Variants in DONSON observed in about 807,000 individuals in gnomAD.
DONSON encodes protein downstream neighbor of Son.
Under a neutral mutation model 62.1 loss-of-function variants are expected in DONSON, and 43 were observed. That is an observed-to-expected ratio of 0.69 (90% CI 0.54 to 0.89). The LOEUF (loss-of-function observed/expected upper bound fraction) is 0.89, where lower values mean the gene tolerates loss of function less well. Ranked by LOEUF, DONSON falls within the 40% of genes least tolerant of loss-of-function variation. The pLI, the probability that DONSON is intolerant of heterozygous loss-of-function variation, is 0.00. For synonymous variants in DONSON, 266 were observed against 264.6 expected, an observed-to-expected ratio of 1.01 and a Z score of -0.05; for missense variants, 696 against 697.5, an observed-to-expected ratio of 1.00 and a Z score of 0.03.
chr21:33,584,325 C>T (rs967969276), intron 4 of DONSON, among the ~76,000 whole-genome samples: 4 of 151,484 alleles, frequency 2.6e-5, no homozygotes, highest in East Asian at 1.9e-4. Context: ...GGATTACAGG[C>T]GTGAGCCACC....
chr21:33,585,247 G>A (rs2086564345), intron 3 of DONSON, among the ~76,000 whole-genome samples: 1 of 152,004 alleles, frequency 6.6e-6, no homozygotes, highest in African/African-American at 2.4e-5. Flanking sequence ...TTTTAAGATA[G>A]TCTCACTCTG....
In DONSON at chr21:33,585,428, A is replaced by C. The variant is rs1001604121; in HGVS notation, c.606+550T>G. On this transcript the variant is annotated intron_variant, in intron 3 of 9. Transcript: ENST00000303071. ...TTTTTTGTAGAGATGGGGTCTCACT[A>C]CGTTACTCAGGCTGGTCTCAAGCAA... 4.6e-5 allele frequency among the ~76,000 whole-genome samples: 6 copies of C among 129,056 alleles called. No homozygotes were observed. In the East Asian group the frequency reaches 1.3e-3, roughly 28 times the overall value. The allele number at this position is 129,056 out of a possible 152,430, so 84.7% of individuals were successfully genotyped here. A position where few individuals can be genotyped will look rare whatever the true frequency, so the allele number is the denominator to read the frequency against.
chr21:33,585,385 T>TA (rs1253807734), intron 3 of DONSON, among the ~76,000 whole-genome samples: 1 of 118,022 alleles, frequency 8.5e-6, no homozygotes, highest in Non-Finnish European at 1.8e-5. Flanking sequence ...CATGCTCAGC[T>TA]AATTTTTTTT....
intron 9 of DONSON, among the ~76,000 whole-genome samples, chr21:33,579,059 AC>A: frequency 7.2e-6 from 1 of 138,296 alleles, no homozygotes; most frequent in Middle Eastern, 3.5e-3. Flanking sequence ...AACTGTTTGA[AC>A]CCAGGAGGCT....
At chr21:33,587,318 A>C in intron 2 of DONSON, 1 of 977,126 alleles carries the variant, frequency 1.0e-6, no homozygotes. Context: ...CTTTACAGTC[A>C]TCATTACTGT....
intron 2 of DONSON, 156 bp downstream of exon 2, chr21:33,587,366 T>C (rs2086589356): frequency 1.0e-6 from 1 of 985,426 alleles, no homozygotes. Context: ...ATGCGGTATT[T>C]TCATCCCTGG....
At position 33,588,373 on chromosome 21, in the gene DONSON, G is replaced by A; in HGVS notation, c.269C>T (p.Ala90Val). 7.7e-7 allele frequency: 1 copy of A among 1,291,364 alleles called. No individual in the cohort carries two copies. Among genetic ancestry groups the A allele is most frequent in the South Asian group, 2.7e-5 (1 of 37,554 alleles). The allele number at this position is 1,291,364 out of a possible 1,614,324, so 80.0% of individuals were successfully genotyped here. The change falls in exon 1 of 10, where the codon GCC (alanine) becomes GTC (valine). Residue 90 changes from alanine to valine, a missense_variant. Coordinates refer to ENST00000303071, the MANE Select transcript of DONSON (RefSeq NM_017613.4). The part of the protein sequence containing the change: ...FARLDNRPRV[A>V]AEPPDGPARE... ...GGCCGGCCCGTCGGGGGGCTCCGCG[G>A]CGACCCGCGGTCGGTTGTCCAGGCG...
rs3221082 is a variant in DONSON at position 33,577,701 on chromosome 21, A to ACCC, written c.*603_*605dup. 1.5e-5 allele frequency: 2 copies of ACCC among 132,816 alleles called. No homozygotes were observed. The highest frequency in any genetic ancestry group is 7.8e-5 in the Admixed American group (1 of 12,856). The allele number at this position is 132,816 out of a possible 1,614,324, so 8.2% of individuals were successfully genotyped here. A position where few individuals can be genotyped will look rare whatever the true frequency, so the allele number is the denominator to read the frequency against. On this transcript the variant is annotated 3_prime_UTR_variant, in exon 10 of 10. Transcript: ENST00000303071. ...CACACACACACACACACACACACAC[A>ACCC]CCCCTATAAGCACATTAAATACTAC...
intron 8 of DONSON, among the ~76,000 whole-genome samples, chr21:33,580,239 GATGAATGAATGA>G (rs3989180): frequency 1.4e-5 from 2 of 146,280 alleles, no homozygotes; most frequent in African/African-American, 2.5e-5. Context: ...TAAATAGATA[GATGAATGAATGA>G]ATGAATGAAT....
intron 8 of DONSON, 75 bp downstream of exon 8, chr21:33,581,227 T>G (rs1055759560): frequency 7.2e-7 from 1 of 1,390,618 alleles, no homozygotes. Context: ...GCTAGGAGGT[T>G]TTTTTTTAAA....
rs2086609535 is a variant in DONSON at position 33,588,542 on chromosome 21, A to C, written c.100T>G (p.Ser34Ala). ...KRARSRGAAA[S>A]PPRELTEPAA... ...GGCTCCGTCAGCTCACGGGGCGGGG[A>C]GGCGGCAGCTCCACGGCTCCGGGCC... is the stretch of plus-strand genomic sequence containing the variant. Residue 34 changes from serine (S) to alanine (A), a missense_variant, in exon 1 of 10, where the codon TCC (serine) becomes GCC (alanine). Physicochemically the swap from Ser to Ala is moderately conservative, Grantham distance 99. Transcript: ENST00000303071. The C allele has an allele frequency of 8.0e-7, 1 of 1,250,086 alleles. No homozygotes were observed. Among genetic ancestry groups the C allele is most frequent in the South Asian group, 3.1e-5 (1 of 31,788 alleles). 77.4% of individuals were successfully genotyped at this position (1,250,086 alleles called of 1,614,324 possible).
In DONSON at chr21:33,587,306, A is replaced by G. The variant is rs930467799; in HGVS notation, c.402+216T>C. Reference sequence around the variant, plus strand: ...TATCAGGCCTATTTTAGCGCTGGCTATCTTTACAGTCATCATTACTGTATC... The same window carrying G: ...TATCAGGCCTATTTTAGCGCTGGCTGTCTTTACAGTCATCATTACTGTATC... On this transcript the variant is annotated intron_variant, in intron 2 of 9. Coordinates refer to ENST00000303071, the MANE Select transcript of DONSON (RefSeq NM_017613.4). 3 of 949,078 alleles carry G rather than the reference A, an allele frequency of 3.2e-6. No homozygotes were observed. The African/African-American group carries it at 5.3e-5, about 17-fold the overall frequency. The allele number at this position is 949,078 out of a possible 1,614,324, so 58.8% of individuals were successfully genotyped here.
intron 4 of DONSON, among the ~76,000 whole-genome samples, chr21:33,584,046 ACT>A (rs1491577110): frequency 2.0e-5 from 2 of 100,348 alleles, no homozygotes; most frequent in African/African-American, 8.6e-5. Flanking sequence ...ATATATATAT[ACT>A]TTTTTTTTTT....
intron 4 of DONSON, 64 bp from the exon 5 acceptor site, chr21:33,583,730 A>T: frequency 7.8e-7 from 1 of 1,275,754 alleles, no homozygotes; most frequent in Non-Finnish European, 1.1e-6. Flanking sequence ...TATAATTCTG[A>T]ATAATTCAGT....
intron 2 of DONSON, among the ~76,000 whole-genome samples, chr21:33,586,648 A>T (rs1421341850): frequency 8.0e-5 from 12 of 150,914 alleles, no homozygotes; most frequent in African/African-American, 1.7e-4. Context: ...TTTTTTTTTT[A>T]AATTGAGACG....
chr21:33,584,686 G>T lies in DONSON; in HGVS notation c.689C>A (p.Pro230Gln). Reference sequence around the variant, plus strand: ...ATCAGCTCCAATACGAGGGAACAGTGGTAGCCAAGACAAAGCAGGGTGGAG... The same window carrying T: ...ATCAGCTCCAATACGAGGGAACAGTTGTAGCCAAGACAAAGCAGGGTGGAG... ...YWLHPALSWL[P>Q]LFPRIGADRK... The change falls in exon 4 of 10, where the codon CCA (proline) becomes CAA (glutamine). Residue 230 changes from proline to glutamine, a missense_variant. Coordinates refer to ENST00000303071, the MANE Select transcript of DONSON (RefSeq NM_017613.4). 1.2e-6 allele frequency: 2 copies of T among 1,613,088 alleles called. No homozygotes were observed. The highest frequency in any genetic ancestry group is 1.7e-6 in the Non-Finnish European group (2 of 1,179,296).
intron 8 of DONSON, 191 bp from the exon 9 acceptor site, chr21:33,579,753 A>C (rs1000604263): frequency 1.9e-6 from 1 of 523,120 alleles, no homozygotes; most frequent in African/African-American, 1.9e-5. Flanking sequence ...CAACCTTTCC[A>C]TATTAAGAGA....
chr21:33,588,625 G>A lies in DONSON; in HGVS notation c.17C>T (p.Pro6Leu). MALSV[P>L]GYSPGFRKPP... ...CTTTCGGAAGCCCGGTGAGTAGCCG[G>A]GCACCGAAAGGGCCATGACGCGCGG... Residue 6 changes from proline (P) to leucine (L), a missense_variant, in exon 1 of 10, where the codon CCC becomes CTC. By Grantham distance (98) the Pro-to-Leu change is moderately conservative. Transcript: ENST00000303071. 1.6e-6 allele frequency: 2 copies of A among 1,241,860 alleles called. No individual in the cohort carries two copies. The highest frequency in any genetic ancestry group is 1.0e-6 in the Non-Finnish European group (1 of 992,278). The allele number at this position is 1,241,860 out of a possible 1,614,324, so 76.9% of individuals were successfully genotyped here. A position where few individuals can be genotyped will look rare whatever the true frequency, so the allele number is the denominator to read the frequency against.
Position 33,582,227 on chromosome 21 carries a change from A to G in DONSON, c.984T>C (p.Pro328=). The change falls in exon 6 of 10, where the codon CCT becomes CCC. Residue 328 remains proline, a synonymous_variant. Transcript: ENST00000303071. ...TCTTATGGCCACTTTCTTTTATTAA[A>G]GGCAGAGAAAATTCAATACCTATAT... ...MRNEGIEFSL[P]LIKESGHKKE... is the part of the protein sequence containing the mutation. 1 of 1,613,976 alleles carries G rather than the reference A, an allele frequency of 6.2e-7. No homozygotes were observed. The highest frequency in any genetic ancestry group is 8.5e-7 in the Non-Finnish European group (1 of 1,179,942).
Sources: gnomAD v4.1 joint callset for allele counts (sites outside exome capture counted in the v4.1 genomes callset) on GRCh38, gnomAD v4.1.1 for gene constraint, MANE v1.5 for transcripts, NCBI Gene and HGNC (gene_info 2026-07-23, HGNC 2026-07-21) for gene names.